The following BNIP1 variants were observed in gnomAD, a reference collection of about 807,000 sequenced individuals.
The protein encoded by BNIP1 is vesicle transport protein SEC20.
Under a neutral mutation model 28.5 loss-of-function variants are expected in BNIP1, and 25 were observed. That is an observed-to-expected ratio of 0.88 (90% CI 0.64 to 1.23). The LOEUF is 1.23. Ranked by LOEUF, BNIP1 falls within the 50% of genes most tolerant of loss-of-function variation. The pLI, the probability that BNIP1 is intolerant of heterozygous loss-of-function variation, is 0.00. For synonymous variants in BNIP1, 118 were observed against 101.7 expected (o/e 1.16, Z -0.96); for missense variants, 276 against 277.0 (o/e 1.00, Z 0.02).
At chr5:173,154,923 G>A (rs1247365831) in intron 3 of BNIP1, among the ~76,000 whole-genome samples, 2 of 152,138 alleles carry the variant, frequency 1.3e-5, no homozygotes, top group Non-Finnish European at 2.9e-5. Context: ...TGAGCAGGTG[G>A]AGCTGAACAT....
intron 2 of BNIP1, among the ~76,000 whole-genome samples, chr5:173,148,308 T>G (rs937531515): frequency 2.0e-5 from 3 of 151,414 alleles, no homozygotes; most frequent in African/African-American, 7.3e-5. Context: ...TGTTTCCAAG[T>G]TCAGAATCTA....
chr5:173,153,599 G>A (rs755244482), intron 2 of BNIP1, among the ~76,000 whole-genome samples: 1 of 152,118 alleles, frequency 6.6e-6, no homozygotes, highest in Non-Finnish European at 1.5e-5. Context: ...TTGAACCCTA[G>A]ATCAGTGGAA....
chr5:173,156,709 G>T (rs374717497), intron 3 of BNIP1, among the ~76,000 whole-genome samples: 65 of 149,730 alleles, frequency 4.3e-4, no homozygotes, highest in African/African-American at 1.5e-3. Context: ...GTGCAGTGGC[G>T]CAATCTCGGC....
intron 5 of BNIP1, 67 bp from the exon 6 acceptor site, chr5:173,163,658 G>A: frequency 7.0e-7 from 1 of 1,427,210 alleles, no homozygotes; most frequent in South Asian, 1.4e-5. Context: ...ACCCCAGCCA[G>A]CAGAGTGAGG....
intron 1 of BNIP1, among the ~76,000 whole-genome samples, chr5:173,145,919 C>T (rs1379851989): frequency 6.6e-6 from 1 of 152,188 alleles, no homozygotes; most frequent in Non-Finnish European, 1.5e-5. Flanking sequence ...AAATTTGATG[C>T]AGATATTTAA....
At chr5:173,159,137 A>G (rs375997711) in intron 4 of BNIP1, among the ~76,000 whole-genome samples, 2 of 151,964 alleles carry the variant, frequency 1.3e-5, no homozygotes, top group Admixed American at 1.3e-4. Flanking sequence ...TCCTGGGTTC[A>G]AGTGATTCTC....
At chr5:173,158,499 G>A (rs970394963) in intron 3 of BNIP1, among the ~76,000 whole-genome samples, 2 of 152,226 alleles carry the variant, frequency 1.3e-5, no homozygotes, top group Non-Finnish European at 1.5e-5. Context: ...GCTGACGGGG[G>A]CAGAGTGACA....
chr5:173,164,322 C>T lies in BNIP1; in HGVS notation c.*401C>T, dbSNP rs1760449772. On this transcript the variant is annotated 3_prime_UTR_variant, in exon 6 of 6. Transcript: ENST00000351486. The surrounding 1 kb of genome is among the most constrained non-coding windows in gnomAD (Gnocchi z 4.0). ...GTAGGAAGAAAGGTGATGAAAACTCCTGGTCATTCCTTGAATAAACTTGAT... is the reference window on the plus strand; with the variant it reads ...GTAGGAAGAAAGGTGATGAAAACTCTTGGTCATTCCTTGAATAAACTTGAT... The T allele has an allele frequency of 5.9e-6, 1 of 168,932 alleles. No homozygotes were observed. Among genetic ancestry groups the T allele is most frequent in the Admixed American group, 6.4e-5 (1 of 15,746 alleles). 10.5% of individuals were successfully genotyped at this position (168,932 alleles called of 1,614,324 possible).
intron 2 of BNIP1, among the ~76,000 whole-genome samples, chr5:173,152,271 G>A (rs910635562): frequency 1.3e-5 from 2 of 152,092 alleles, no homozygotes; most frequent in African/African-American, 2.4e-5. Flanking sequence ...CAGTGACTCA[G>A]TGCCCAGTAT....
rs1333904766 is a variant in BNIP1, at chr5:173,163,882, C to A, written c.648C>A (p.Val216=). 8 of 1,611,640 alleles carry A rather than the reference C, an allele frequency of 5.0e-6. No individual in the cohort carries two copies. Among genetic ancestry groups the A allele is most frequent in the Non-Finnish European group, 6.8e-6 (8 of 1,179,238 alleles). ...CGCTAGCCCTGTTTCTTGCTACGGT[C>A]CTCTATATTGTGAAAAAGCGGCTCT... The part of the protein sequence containing the change: ...FLALALFLAT[V]LYIVKKRLFP... The change falls in exon 6 of 6, where the codon GTC becomes GTA. Residue 216 remains valine (V), a synonymous_variant. Transcript: ENST00000351486.
intron 1 of BNIP1, 124 bp from the exon 2 acceptor site, chr5:173,146,742 T>G (rs1759846710): frequency 3.3e-6 from 2 of 601,018 alleles, no homozygotes; most frequent in Admixed American, 5.9e-5. Context: ...ACAGCAAAGA[T>G]CAGGATGAAT....
Position 173,151,653 on chromosome 5 carries a change from C to A in BNIP1, c.178-2669C>A, listed in dbSNP as rs150838656. On this transcript the variant is annotated intron_variant, in intron 2 of 5. Coordinates refer to ENST00000351486, the MANE Select transcript of BNIP1 (RefSeq NM_001205.3). ...TTCCCTGACAGACTTTTCTTCAACT[C>A]AGCATGACTTCAACTCTCCAACTAC... 8.1e-5 allele frequency: 130 copies of A among 1,613,226 alleles called. 1 individual carries two copies. Among genetic ancestry groups the A allele is most frequent in the Admixed American group, 6.8e-4 (41 of 59,928 alleles).
At chr5:173,150,028 C>T (rs1011194691) in intron 2 of BNIP1, among the ~76,000 whole-genome samples, 15 of 152,166 alleles carry the variant, frequency 9.9e-5, no homozygotes, top group Admixed American at 9.2e-4. Flanking sequence ...GAGGCCAAGG[C>T]GAGTGGATCG....
intron 2 of BNIP1, among the ~76,000 whole-genome samples, chr5:173,150,837 TG>T (rs1759995386): frequency 6.6e-6 from 1 of 152,036 alleles, no homozygotes; most frequent in Non-Finnish European, 1.5e-5. Flanking sequence ...TTTATACTTT[TG>T]TTTTTTTGTT....
intron 2 of BNIP1, among the ~76,000 whole-genome samples, chr5:173,154,015 C>T (rs1327466807): frequency 2.6e-5 from 4 of 152,150 alleles, no homozygotes; most frequent in Admixed American, 6.6e-5. Flanking sequence ...CTTTTCCTTT[C>T]GGGCCTGCCC....
At chr5:173,154,279 G>A (rs1368243377) in intron 2 of BNIP1, 43 bp from the exon 3 acceptor site, 1 of 1,569,480 alleles carries the variant, frequency 6.4e-7, no homozygotes, top group Admixed American at 1.7e-5. Flanking sequence ...CTTTCATGTT[G>A]ACTTTTGAAA....
chr5:173,161,024 G>T (rs255303), intron 5 of BNIP1: 172,921 of 352,568 alleles, frequency 0.49, 45,630 homozygotes, highest in Non-Finnish European at 0.58. Flanking sequence ...TGGACAAAAG[G>T]AGAAAGCATG....
chr5:173,144,921 C>T (rs532655602), intron 1 of BNIP1: 66 of 335,262 alleles, frequency 2.0e-4, no homozygotes, highest in African/African-American at 5.8e-4. Flanking sequence ...CACCTGCAGC[C>T]CTGGTCGTCG....
intron 2 of BNIP1, chr5:173,151,639 AC>A (rs765297979): frequency 2.3e-5 from 37 of 1,612,860 alleles, no homozygotes; most frequent in South Asian, 1.9e-4. Context: ...TCCCTGACAG[AC>A]TTTTCTTCAA....
Sources: allele counts gnomAD v4.1 joint callset (sites outside exome capture counted in the v4.1 genomes callset), GRCh38; gene constraint gnomAD v4.1.1; non-coding constraint Gnocchi (gnomAD v3.1); transcripts MANE v1.5; gene names NCBI Gene and HGNC (gene_info 2026-07-23, HGNC 2026-07-21).